SMAD1: variants seen among roughly 807,000 people sequenced by gnomAD.
SMAD1 encodes the protein MAD, mothers against decapentaplegic homolog 1.
Under a neutral mutation model 41.6 loss-of-function variants are expected in SMAD1, and 6 were observed. That is an observed-to-expected ratio of 0.14 (90% CI 0.08 to 0.28). The LOEUF (loss-of-function observed/expected upper bound fraction) is 0.28, where lower values mean the gene tolerates loss of function less well. SMAD1 is among the 10% of genes least tolerant of loss of function. The pLI, the probability that SMAD1 is intolerant of heterozygous loss-of-function variation, is 1.00. For missense variants in SMAD1, 379 were observed against 582.6 expected (o/e 0.65, Z 3.60); for synonymous variants, 206 against 203.2 (o/e 1.01, Z -0.12).
intron 5 of SMAD1, among the ~76,000 whole-genome samples, chr4:145,552,233 A>C (rs183206130): frequency 6.6e-6 from 1 of 152,218 alleles, no homozygotes; most frequent in East Asian, 1.9e-4. Context: ...TGTTTTCTCT[A>C]TATCAGGCCA....
At chr4:145,496,045 A>G (rs907688721) in intron 1 of SMAD1, among the ~76,000 whole-genome samples, 1 of 152,174 alleles carries the variant, frequency 6.6e-6, no homozygotes, top group African/African-American at 2.4e-5. Flanking sequence ...ATGATAGCTT[A>G]TAATGTCTTA....
chr4:145,529,231 T>TC (rs1031076681), intron 2 of SMAD1, among the ~76,000 whole-genome samples: 1 of 152,210 alleles, frequency 6.6e-6, no homozygotes, highest in Non-Finnish European at 1.5e-5. Context: ...TATTTTTTTT[T>TC]CTCCTGATGT....
At chr4:145,498,898 A>T (rs2126315421) in intron 1 of SMAD1, among the ~76,000 whole-genome samples, 1 of 152,292 alleles carries the variant, frequency 6.6e-6, no homozygotes, top group South Asian at 2.1e-4. Flanking sequence ...ACACGAATAT[A>T]CTTGAACATA....
chr4:145,554,599 A>T (rs903957420), intron 6 of SMAD1, among the ~76,000 whole-genome samples: 11 of 152,156 alleles, frequency 7.2e-5, no homozygotes, highest in Admixed American at 5.9e-4. Flanking sequence ...CAAGATAAAT[A>T]GATGCCTTAG....
intron 1 of SMAD1, among the ~76,000 whole-genome samples, chr4:145,508,359 A>G (rs1423204436): frequency 6.6e-6 from 1 of 152,012 alleles, no homozygotes; most frequent in Non-Finnish European, 1.5e-5. Flanking sequence ...GCCAGGCAAA[A>G]TGGGTTCAGA....
At chr4:145,485,866 C>G (rs1382187848) in intron 1 of SMAD1, among the ~76,000 whole-genome samples, 4 of 152,138 alleles carry the variant, frequency 2.6e-5, no homozygotes, top group Non-Finnish European at 5.9e-5. Flanking sequence ...AGCCTCAAAA[C>G]TTCCATAAGT....
chr4:145,502,649 C>T (rs968890034), intron 1 of SMAD1, among the ~76,000 whole-genome samples: 16 of 152,304 alleles, frequency 1.1e-4, no homozygotes, highest in African/African-American at 3.6e-4. Flanking sequence ...ACGTTAATAG[C>T]ACACTTGGCA....
chr4:145,553,175 TGC>T (rs1732648345), intron 5 of SMAD1, among the ~76,000 whole-genome samples: 3 of 151,584 alleles, frequency 2.0e-5, no homozygotes, highest in Non-Finnish European at 4.4e-5. Context: ...CTTCCCAAAG[TGC>T]TGAGATTACA....
chr4:145,533,301 T>TAGG (rs952820216), intron 2 of SMAD1, among the ~76,000 whole-genome samples: 1 of 152,332 alleles, frequency 6.6e-6, no homozygotes. Context: ...AGGCTTGAAA[T>TAGG]TGACAAGAGT....
intron 2 of SMAD1, among the ~76,000 whole-genome samples, chr4:145,526,200 A>AT (rs1358943318): frequency 2.6e-5 from 4 of 152,236 alleles, no homozygotes; most frequent in Admixed American, 2.0e-4. Flanking sequence ...AAGAAGAGTG[A>AT]TTTTATAAGG....
At chr4:145,532,473 T>G (rs541906972) in intron 2 of SMAD1, among the ~76,000 whole-genome samples, 31 of 152,310 alleles carry the variant, frequency 2.0e-4, no homozygotes, top group Non-Finnish European at 2.8e-4. Flanking sequence ...AGAAAAGATT[T>G]GGGTTTTTAC....
At chr4:145,489,501 A>G (rs1714995773) in intron 1 of SMAD1, among the ~76,000 whole-genome samples, 1 of 152,178 alleles carries the variant, frequency 6.6e-6, no homozygotes, top group Non-Finnish European at 1.5e-5. Context: ...ACAAAAAACC[A>G]TGAAGGCTTG....
rs1239459805 is a variant in SMAD1, at chr4:145,515,012, T to G, written c.399T>G (p.Pro133=). The change falls in exon 2 of 7, where the codon CCT becomes CCG. Residue 133 remains proline (P), a splice_region_variant and synonymous_variant. Coordinates refer to ENST00000302085, the MANE Select transcript of SMAD1 (RefSeq NM_005900.3). The part of the protein sequence containing the change: ...NPYHYKRVES[P]VLPPVLVPRH... ...ACCACTATAAGAGAGTAGAAAGCCC[T>G]GGTAAGTGAGTTATTTTATGTTGAT... 3 of 1,596,356 alleles carry G rather than the reference T, an allele frequency of 1.9e-6. No homozygotes were observed.
chr4:145,492,523 G>A (rs555077150), intron 1 of SMAD1, among the ~76,000 whole-genome samples: 9 of 152,332 alleles, frequency 5.9e-5, no homozygotes, highest in African/African-American at 1.9e-4. Flanking sequence ...GGCGTGCCAC[G>A]CTTCAGGAAC....
At chr4:145,511,955 C>G (rs1392847590) in intron 1 of SMAD1, among the ~76,000 whole-genome samples, 3 of 152,188 alleles carry the variant, frequency 2.0e-5, no homozygotes. Flanking sequence ...CTGCTGTAAA[C>G]CAGTTCTCTC....
At chr4:145,550,996 C>G (rs1234003340) in intron 5 of SMAD1, among the ~76,000 whole-genome samples, 1 of 152,122 alleles carries the variant, frequency 6.6e-6, no homozygotes, top group Admixed American at 6.5e-5. Context: ...TTTTCAGAAT[C>G]ACAATGTGAT....
Position 145,531,247 on chromosome 4 carries a change from G to A in SMAD1, c.401-8557G>A, listed in dbSNP as rs1043982274. The stretch of plus-strand genomic sequence containing the variant: ...GTAAGGAATTTTATTTCATAAATGT[G>A]TATACTATTAATTTTAAGTGTTCTT... On this transcript the variant is annotated intron_variant, in intron 2 of 6. Coordinates refer to ENST00000302085, the MANE Select transcript of SMAD1 (RefSeq NM_005900.3). 1.6e-4 allele frequency among the ~76,000 whole-genome samples: 25 copies of A among 152,186 alleles called. 1 individual carries two copies. Among genetic ancestry groups the A allele is most frequent in the Admixed American group, 1.6e-3 (25 of 15,292 alleles).
rs374952031 is a variant in SMAD1, at chr4:145,539,723, TTA to T, written c.401-79_401-78del. 2.7e-4 allele frequency: 373 copies of T among 1,384,828 alleles called. 2 individuals carry two copies. The highest frequency in any genetic ancestry group is 2.7e-3 in the African/African-American group (186 of 70,046). 85.8% of individuals were successfully genotyped at this position (1,384,828 alleles called of 1,614,324 possible). On this transcript the variant is annotated intron_variant, in intron 2 of 6. Coordinates refer to ENST00000302085, the MANE Select transcript of SMAD1 (RefSeq NM_005900.3). ...CAGATAATTTGTTGTTGTTTACAGA[TTA>T]TGTTTTACTTTATTGTGATGTAATT...
chr4:145,543,210 G>A (rs1732052291), intron 4 of SMAD1, among the ~76,000 whole-genome samples: 1 of 152,066 alleles, frequency 6.6e-6, no homozygotes, highest in Non-Finnish European at 1.5e-5. Context: ...CAGGTGATCC[G>A]CCCACCTTGG....
Sources: gnomAD v4.1 joint callset for allele counts (sites outside exome capture counted in the v4.1 genomes callset) on GRCh38, gnomAD v4.1.1 for gene constraint, MANE v1.5 for transcripts, NCBI Gene and HGNC (gene_info 2026-07-23, HGNC 2026-07-21) for gene names.